Variants in UGCG observed in about 807,000 individuals in gnomAD.
The protein encoded by UGCG is ceramide glucosyltransferase.
UGCG carries 10 observed loss-of-function variants against 49.5 expected under a neutral mutation model. That is an observed-to-expected ratio of 0.20 (90% CI 0.12 to 0.34). The LOEUF is 0.34. Ranked by LOEUF, UGCG falls within the 10% of genes least tolerant of loss-of-function variation. The probability of loss-of-function intolerance (pLI) is 1.00; values close to 1 mark genes in which losing one functional copy is unlikely to be tolerated. For missense variants in UGCG, 312 were observed against 483.7 expected (o/e 0.65, Z 3.33); for synonymous variants, 182 against 158.2 (o/e 1.15, Z -1.13).
At chr9:111,920,809 C>T (rs1380681517) in intron 2 of UGCG, among the ~76,000 whole-genome samples, 3 of 152,096 alleles carry the variant, frequency 2.0e-5, no homozygotes, top group Admixed American at 6.6e-5. Flanking sequence ...CAGACTTTGT[C>T]GTTCTCTTGA....
intron 1 of UGCG, among the ~76,000 whole-genome samples, chr9:111,903,376 C>G (rs1437152171): frequency 6.6e-6 from 1 of 152,000 alleles, no homozygotes; most frequent in African/African-American, 2.4e-5. Context: ...ACCAGCCTGA[C>G]CAACGTGGCA....
chr9:111,911,905 GATATATATATATATATAT>G lies in UGCG; in HGVS notation c.99-2665_99-2648del, dbSNP rs200468304. ...TATCTCATATGTGTATATTCAACAGGATATATATATATATATATATATATATATATATATATATATATA... is the reference window on the plus strand; with the variant it reads ...TATCTCATATGTGTATATTCAACAGGATATATATATATATATATATATATA... On this transcript the variant is annotated intron_variant, in intron 1 of 8. Transcript: ENST00000374279. Among the ~76,000 whole-genome samples, 441 of 79,072 alleles carry G rather than the reference GATATATATATATATATAT, an allele frequency of 5.6e-3. 4 individuals are homozygous for G. Among genetic ancestry groups the G allele is most frequent in the South Asian group, 0.01 (20 of 1,994 alleles). 51.9% of individuals were successfully genotyped at this position (79,072 alleles called of 152,430 possible).
chr9:111,918,818 G>C (rs1324696986), intron 2 of UGCG, among the ~76,000 whole-genome samples: 1 of 151,548 alleles, frequency 6.6e-6, no homozygotes, highest in African/African-American at 2.4e-5. Context: ...CCAGCTACTC[G>C]GGAGGCTGAG....
chr9:111,914,262 A>ATTCAATGG (rs1313917336), intron 1 of UGCG, among the ~76,000 whole-genome samples: 1 of 152,200 alleles, frequency 6.6e-6, no homozygotes, highest in Non-Finnish European at 1.5e-5. Context: ...GTCAGAGAGT[A>ATTCAATGG]GTACATCATG....
At chr9:111,897,634 TG>T (rs1837688184) in intron 1 of UGCG, among the ~76,000 whole-genome samples, 1 of 152,140 alleles carries the variant, frequency 6.6e-6, no homozygotes, top group Admixed American at 6.5e-5. Context: ...ATTTTTCATC[TG>T]GGCCGAGATG....
chr9:111,914,581 ATTTT>A lies in UGCG; in HGVS notation c.99-22_99-19del. 6.2e-7 allele frequency: 1 copy of A among 1,610,034 alleles called. No homozygotes were observed. Among genetic ancestry groups the A allele is most frequent in the South Asian group, 1.1e-5 (1 of 90,390 alleles). ...GACACTAATGTATTCTATAGAAATA[ATTTT>A]TATATCATTTGCTTTTTAGCCGATT... On this transcript the variant is annotated intron_variant, in intron 1 of 8. Coordinates refer to ENST00000374279, the MANE Select transcript of UGCG (RefSeq NM_003358.3).
chr9:111,920,348 A>C (rs1017359776), intron 2 of UGCG, among the ~76,000 whole-genome samples: 3 of 151,978 alleles, frequency 2.0e-5, no homozygotes, highest in African/African-American at 7.2e-5. Context: ...TTTGTGATCA[A>C]CTGCAAATTT....
intron 6 of UGCG, among the ~76,000 whole-genome samples, 194 bp from the exon 7 acceptor site, chr9:111,931,077 C>T (rs955499487): frequency 3.9e-5 from 6 of 152,102 alleles, no homozygotes; most frequent in Non-Finnish European, 8.8e-5. Context: ...TTAGATGGTG[C>T]TGTCACGGGC....
intron 5 of UGCG, among the ~76,000 whole-genome samples, chr9:111,926,856 C>A (rs1001318140): frequency 2.8e-5 from 4 of 145,396 alleles, no homozygotes; most frequent in Non-Finnish European, 4.6e-5. Flanking sequence ...CCCCCTCCCC[C>A]CAGCCTTTTT....
intron 7 of UGCG, 135 bp from the exon 8 acceptor site, chr9:111,932,035 A>G (rs571354611): frequency 2.1e-6 from 2 of 972,360 alleles, no homozygotes; most frequent in African/African-American, 3.3e-5. Context: ...AAAAAAAAAA[A>G]ACAAAACAAA....
At chr9:111,912,349 G>T (rs1243893951) in intron 1 of UGCG, among the ~76,000 whole-genome samples, 1 of 151,770 alleles carries the variant, frequency 6.6e-6, no homozygotes, top group Admixed American at 6.6e-5. Context: ...AAGCCGAGGC[G>T]GGCAGATCAC....
intron 2 of UGCG, among the ~76,000 whole-genome samples, chr9:111,918,793 C>T (rs1256539191): frequency 1.3e-5 from 2 of 151,862 alleles, no homozygotes; most frequent in South Asian, 2.1e-4. Flanking sequence ...GGCGCAGTGG[C>T]GGGTGCCTGT....
chr9:111,932,393 C>G (rs1838441935), intron 8 of UGCG, 34 bp downstream of exon 8: 8 of 1,573,512 alleles, frequency 5.1e-6, no homozygotes, highest in South Asian at 3.4e-5. Context: ...TTGGCAGTCC[C>G]TTGGTGGAAC....
At chr9:111,924,235 A>G (rs1838278654) in intron 3 of UGCG, among the ~76,000 whole-genome samples, 1 of 152,172 alleles carries the variant, frequency 6.6e-6, no homozygotes. Context: ...ATTTGTATAT[A>G]TTTTTGGTGT....
At position 111,914,665 on chromosome 9, in the gene UGCG, C is replaced by G. The variant is rs749059088; in HGVS notation, c.159C>G (p.Val53=). The change falls in exon 2 of 9, where the codon GTC becomes GTG. Residue 53 remains valine (V), a synonymous_variant. Coordinates refer to ENST00000374279, the MANE Select transcript of UGCG (RefSeq NM_003358.3). ...DKQPYSKLPG[V]SLLKPLKGVD... ...AGCCTTATAGCAAGCTCCCAGGTGTCTCTCTTCTGAAACCACTGAAAGGGG... is the reference window on the plus strand; with the variant it reads ...AGCCTTATAGCAAGCTCCCAGGTGTGTCTCTTCTGAAACCACTGAAAGGGG... 4 of 1,614,168 alleles carry G rather than the reference C, an allele frequency of 2.5e-6. No homozygotes were observed. Among genetic ancestry groups the G allele is most frequent in the Admixed American group, 3.3e-5 (2 of 60,030 alleles).
chr9:111,926,884 T>A (rs1838323389), intron 5 of UGCG, among the ~76,000 whole-genome samples: 1 of 124,406 alleles, frequency 8.0e-6, no homozygotes, highest in African/African-American at 3.5e-5. Flanking sequence ...TTTTTTTTTT[T>A]TTTTTTGCGA....
At chr9:111,909,579 A>G (rs1837957213) in intron 1 of UGCG, among the ~76,000 whole-genome samples, 1 of 152,216 alleles carries the variant, frequency 6.6e-6, no homozygotes, top group Admixed American at 6.5e-5. Flanking sequence ...ACAGTAGGGA[A>G]TTCACCTGTT....
At chr9:111,912,874 T>TC (rs1263666185) in intron 1 of UGCG, among the ~76,000 whole-genome samples, 1 of 151,434 alleles carries the variant, frequency 6.6e-6, no homozygotes, top group East Asian at 1.9e-4. Flanking sequence ...TTAAAGTTTT[T>TC]CCATTGTAAA....
chr9:111,928,352 G>T (rs1244859935), intron 5 of UGCG, among the ~76,000 whole-genome samples: 1 of 152,084 alleles, frequency 6.6e-6, no homozygotes, highest in East Asian at 1.9e-4. Flanking sequence ...TTGTATTTTT[G>T]TCTTAGAAAT....
Sources: allele counts gnomAD v4.1 joint callset (sites outside exome capture counted in the v4.1 genomes callset), GRCh38; gene constraint gnomAD v4.1.1; transcripts MANE v1.5; gene names NCBI Gene and HGNC (gene_info 2026-07-23, HGNC 2026-07-21).